RAPGEF5: variants seen among roughly 807,000 people sequenced by gnomAD.
The protein encoded by RAPGEF5 is Rap guanine nucleotide exchange factor 5, also known as M-Ras-regulated GEF.
Under a neutral mutation model 125.2 loss-of-function variants are expected in RAPGEF5, and 65 were observed. The ratio of observed to expected loss-of-function variants is 0.52; its 90% CI spans 0.43 to 0.64. RAPGEF5 has a LOEUF of 0.64. Among genes scored for constraint, RAPGEF5 ranks in the 30% least tolerant of loss-of-function variants. RAPGEF5 has a pLI of 0.00. For synonymous variants in RAPGEF5, 391 were observed against 385.9 expected (o/e 1.01, Z -0.16); for missense variants, 958 against 1,048.1 (o/e 0.91, Z 1.19).
chr7:22,273,667 C>G (rs879365106), intron 6 of RAPGEF5, among the ~76,000 whole-genome samples: 8 of 152,170 alleles, frequency 5.3e-5, no homozygotes, highest in Admixed American at 5.2e-4. Context: ...GAATAGTCTT[C>G]TACGATTTTA....
chr7:22,177,644 C>A (rs1185247021), intron 11 of RAPGEF5, among the ~76,000 whole-genome samples: 6 of 152,226 alleles, frequency 3.9e-5, no homozygotes, highest in Non-Finnish European at 4.4e-5. Flanking sequence ...AAGGGCTTTA[C>A]CTACATGGCC....
At position 22,356,981 on chromosome 7, in the gene RAPGEF5, G is replaced by T; in HGVS notation, c.80C>A (p.Ala27Glu). ...GCTGCGGCGCAGGGGGCCGTCTGCC[G>T]CCACCACCGCCGCCGCGGCGGCCAG... ...PALAAAAAVV[A>E]ADGPLRRSPS... Residue 27 changes from alanine (A) to glutamate (E), a missense_variant, in exon 1 of 26, where the codon GCG becomes GAG. Coordinates refer to ENST00000665637, the MANE Select transcript of RAPGEF5 (RefSeq NM_012294.5). 7 of 1,026,356 alleles carry T rather than the reference G, an allele frequency of 6.8e-6. No individual in the cohort carries two copies. The highest frequency in any genetic ancestry group is 8.2e-6 in the Non-Finnish European group (7 of 858,864). 63.6% of individuals were successfully genotyped at this position (1,026,356 alleles called of 1,614,324 possible).
chr7:22,201,413 C>G (rs568906088), intron 9 of RAPGEF5, among the ~76,000 whole-genome samples: 1 of 152,326 alleles, frequency 6.6e-6, no homozygotes, highest in Admixed American at 6.5e-5. Context: ...GAAAGGGATG[C>G]AAATAGAGAC....
intron 9 of RAPGEF5, among the ~76,000 whole-genome samples, chr7:22,194,274 T>C (rs1023944612): frequency 3.3e-5 from 5 of 152,054 alleles, no homozygotes; most frequent in Admixed American, 6.5e-5. Flanking sequence ...TTAAAGGAAA[T>C]AGAAAACAAA....
At chr7:22,178,109 A>T (rs1784563862) in intron 11 of RAPGEF5, among the ~76,000 whole-genome samples, 2 of 152,156 alleles carry the variant, frequency 1.3e-5, no homozygotes, top group African/African-American at 4.8e-5. Context: ...AAAAGGTAGA[A>T]CTGACAATCA....
chr7:22,146,789 G>T, intron 19 of RAPGEF5, 108 bp downstream of exon 19: 2 of 1,310,858 alleles, frequency 1.5e-6, no homozygotes, highest in Middle Eastern at 2.1e-4. Context: ...AATATCTTTT[G>T]GACCACGTTA....
intron 6 of RAPGEF5, among the ~76,000 whole-genome samples, chr7:22,288,814 C>T (rs1216645235): frequency 6.6e-6 from 1 of 152,188 alleles, no homozygotes; most frequent in Non-Finnish European, 1.5e-5. Flanking sequence ...ACAAAAACCA[C>T]CATAAACTAG....
chr7:22,193,653 G>A, intron 10 of RAPGEF5, 198 bp from the exon 11 acceptor site: 2 of 1,550,726 alleles, frequency 1.3e-6, no homozygotes, highest in Non-Finnish European at 1.7e-6. Context: ...TCAGCCGGGA[G>A]CTGCCCATTG....
chr7:22,119,961 T>A lies in RAPGEF5; in HGVS notation c.*2445A>T, dbSNP rs1023487334. ...AGCTTTCTGTTGAGTAATATCTGGTTCTCACAATTCGGGCTTGAATTCTTT... is the reference window on the plus strand; with the variant it reads ...AGCTTTCTGTTGAGTAATATCTGGTACTCACAATTCGGGCTTGAATTCTTT... On this transcript the variant is annotated 3_prime_UTR_variant, in exon 26 of 26. Transcript: ENST00000665637. The surrounding 1 kb of genome is among the most constrained non-coding windows in gnomAD (Gnocchi z 4.1). 2.6e-5 allele frequency: 4 copies of A among 152,204 alleles called. No individual in the cohort carries two copies. The highest frequency in any genetic ancestry group is 7.2e-5 in the African/African-American group (3 of 41,448). 9.4% of individuals were successfully genotyped at this position (152,204 alleles called of 1,614,324 possible). A position where few individuals can be genotyped will look rare whatever the true frequency, so the allele number is the denominator to read the frequency against.
chr7:22,187,441 G>A (rs772662839), intron 11 of RAPGEF5, among the ~76,000 whole-genome samples: 38 of 151,938 alleles, frequency 2.5e-4, no homozygotes, highest in Non-Finnish European at 4.6e-4. Flanking sequence ...TTCTCCTTTC[G>A]TAAAACATTA....
chr7:22,194,655 A>G (rs1785104227), intron 9 of RAPGEF5: 1 of 985,064 alleles, frequency 1.0e-6, no homozygotes, highest in Non-Finnish European at 1.2e-6. Context: ...ATAAGCAAAA[A>G]TGGATCTCTA....
chr7:22,214,193 T>G (rs376856387), intron 9 of RAPGEF5, among the ~76,000 whole-genome samples: 1 of 152,324 alleles, frequency 6.6e-6, no homozygotes, highest in Middle Eastern at 3.4e-3. Context: ...GGCAGCAGAC[T>G]GTGCCAAGAT....
chr7:22,293,839 C>T (rs915835272), intron 5 of RAPGEF5, among the ~76,000 whole-genome samples: 1 of 152,190 alleles, frequency 6.6e-6, no homozygotes, highest in South Asian at 2.1e-4. Context: ...TCCTTTCTTT[C>T]ACCACTACGG....
At chr7:22,250,034 G>C (rs2128138051) in intron 7 of RAPGEF5, among the ~76,000 whole-genome samples, 1 of 152,266 alleles carries the variant, frequency 6.6e-6, no homozygotes, top group Middle Eastern at 3.4e-3. Flanking sequence ...CTATCAGAAA[G>C]GGACCTAGGA....
At chr7:22,265,181 C>A (rs4722120) in intron 7 of RAPGEF5, among the ~76,000 whole-genome samples, 23,633 of 152,072 alleles carry the variant, frequency 0.16, 1,928 homozygotes, top group East Asian at 0.27. Context: ...ATAACTATAT[C>A]CACGATACTG....
At chr7:22,126,491 T>C (rs892937400) in intron 24 of RAPGEF5, among the ~76,000 whole-genome samples, 2 of 152,220 alleles carry the variant, frequency 1.3e-5, no homozygotes, top group Admixed American at 1.3e-4. Flanking sequence ...GTCAGACACA[T>C]TGACTTACAC....
At chr7:22,193,343 A>G (rs761303497) in intron 11 of RAPGEF5, 24 bp downstream of exon 11, 8 of 1,561,518 alleles carry the variant, frequency 5.1e-6, no homozygotes, top group Non-Finnish European at 6.9e-6. Flanking sequence ...TCAGTCTGGA[A>G]GCATGAGCTA....
At chr7:22,149,941 CTTTTTGAT>C (rs79098211) in intron 18 of RAPGEF5, among the ~76,000 whole-genome samples, 148,397 of 151,980 alleles carry the variant, frequency 0.98, 72,457 homozygotes, top group East Asian at 0.99. Context: ...TGCTCAACCC[CTTTTTGAT>C]TTTTTGATTT....
intron 9 of RAPGEF5, among the ~76,000 whole-genome samples, chr7:22,219,038 AG>A (rs1785711958): frequency 6.6e-6 from 1 of 152,224 alleles, no homozygotes; most frequent in Non-Finnish European, 1.5e-5. Flanking sequence ...CCCCTTGGAA[AG>A]GGTTGAAAAC....
Sources: allele counts gnomAD v4.1 joint callset (sites outside exome capture counted in the v4.1 genomes callset), GRCh38; gene constraint gnomAD v4.1.1; non-coding constraint Gnocchi (gnomAD v3.1); transcripts MANE v1.5; gene names NCBI Gene and HGNC (gene_info 2026-07-23, HGNC 2026-07-21).